The following ESRP1 variants were observed in gnomAD, a reference collection of about 807,000 sequenced individuals.
ESRP1 encodes the protein RNA-binding motif protein 35A.
A neutral mutation model predicts 81.7 loss-of-function variants in ESRP1; 33 were observed. The observed-to-expected ratio is 0.40, with a 90% CI of 0.31 to 0.54. The LOEUF is 0.54. Among genes scored for constraint, ESRP1 ranks in the 20% least tolerant of loss-of-function variants. The pLI is 0.41. For synonymous variants in ESRP1, 320 were observed against 303.3 expected (o/e 1.06, Z -0.57); for missense variants, 672 against 833.1 (o/e 0.81, Z 2.38).
At chr8:94,649,432 C>G (rs916411028) in intron 4 of ESRP1, 1 of 59,000 alleles carries the variant, frequency 1.7e-5, no homozygotes, top group Non-Finnish European at 5.7e-5. Context: ...CTCCTGAACT[C>G]AAGCAATTCT....
rs764107599 is a variant in ESRP1, at chr8:94,678,207, G to T, written c.1656G>T (p.Leu552=). Residue 552 remains leucine (L), a synonymous_variant, in exon 13 of 16, where the codon CTG becomes CTT. Coordinates refer to ENST00000433389, the MANE Select transcript of ESRP1 (RefSeq NM_017697.4). ...AATCTCTCTTTGCATATCTAGGCCT[G>T]TCTCCTCCCTCCTACACATTTCCAG... The part of the protein sequence containing the change: ...LSPPPCKLPC[L]SPPSYTFPAP... 97 of 1,613,744 alleles carry T rather than the reference G, an allele frequency of 6.0e-5. No individual in the cohort carries two copies. The highest frequency in any genetic ancestry group is 7.9e-5 in the Non-Finnish European group (93 of 1,179,840).
intron 4 of ESRP1, among the ~76,000 whole-genome samples, chr8:94,657,472 C>CGTGTGTGTGCGTGTGTGTGT (rs1818487061): frequency 1.4e-5 from 2 of 146,156 alleles, no homozygotes; most frequent in Non-Finnish European, 3.0e-5. Context: ...AGGCTGTGTG[C>CGTGTGTGTGCGTGTGTGTGT]GTGTGTGTGT....
rs758636701 is a variant in ESRP1 at position 94,678,350 on chromosome 8, A to G, written c.1799A>G (p.Asn600Ser). 8 of 1,613,898 alleles carry G rather than the reference A, an allele frequency of 5.0e-6. No homozygotes were observed. The highest frequency in any genetic ancestry group is 6.8e-6 in the Non-Finnish European group (8 of 1,179,844). ...CCAGCAGGCACTCAGCTCTTCATGA[A>G]TTACACAGCGTACTATCCCAGGTAA... ...YYPAGTQLFM[N>S]YTAYYPSPPG... The change falls in exon 13 of 16, where the codon AAT becomes AGT. Residue 600 changes from asparagine to serine, a missense_variant. Physicochemically the swap from Asn to Ser is conservative, Grantham distance 46. Coordinates refer to ENST00000433389, the MANE Select transcript of ESRP1 (RefSeq NM_017697.4).
At chr8:94,651,454 G>A (rs1818125676) in intron 4 of ESRP1, among the ~76,000 whole-genome samples, 1 of 152,042 alleles carries the variant, frequency 6.6e-6, no homozygotes, top group African/African-American at 2.4e-5. Flanking sequence ...CACAAAGTCT[G>A]AGCTGAGTAT....
At chr8:94,693,904 A>G (rs73695517) in intron 14 of ESRP1, among the ~76,000 whole-genome samples, 3,097 of 152,288 alleles carry the variant, frequency 0.02, 97 homozygotes, top group African/African-American at 0.069. Flanking sequence ...TATGAAGGAC[A>G]CTTTCTGACA....
chr8:94,644,136 G>T (rs918556749), intron 3 of ESRP1, among the ~76,000 whole-genome samples: 5 of 152,172 alleles, frequency 3.3e-5, no homozygotes, highest in African/African-American at 1.2e-4. Context: ...GGTAAAATGT[G>T]ATTTCTCTCC....
chr8:94,683,237 C>T lies in ESRP1; in HGVS notation c.1820+4866C>T, dbSNP rs995637510. Among the ~76,000 whole-genome samples the T allele has an allele frequency of 3.4e-4, 51 of 151,992 alleles. 1 individual carries two copies. The highest frequency in any genetic ancestry group is 1.6e-4 in the Non-Finnish European group (11 of 68,012). ...GGGATTACAGGCGTAAGCCACCGCGCCCGGCCTATGAATATGTATATTTAG... is the reference window on the plus strand; with the variant it reads ...GGGATTACAGGCGTAAGCCACCGCGTCCGGCCTATGAATATGTATATTTAG... On this transcript the variant is annotated intron_variant, in intron 13 of 15. Coordinates refer to ENST00000433389, the MANE Select transcript of ESRP1 (RefSeq NM_017697.4).
At chr8:94,671,323 C>A in intron 10 of ESRP1, 130 bp from the exon 11 acceptor site, 1 of 639,484 alleles carries the variant, frequency 1.6e-6, no homozygotes, top group Admixed American at 3.4e-5. Context: ...GATGAAGATT[C>A]ATATTTATTA....
At chr8:94,676,582 C>T (rs961435708) in intron 12 of ESRP1, among the ~76,000 whole-genome samples, 3 of 151,814 alleles carry the variant, frequency 2.0e-5, no homozygotes, top group Admixed American at 6.6e-5. Context: ...TCGCTGCAAC[C>T]TCTGACTCCC....
At chr8:94,654,263 A>C (rs1177881832) in intron 4 of ESRP1, among the ~76,000 whole-genome samples, 1 of 152,198 alleles carries the variant, frequency 6.6e-6, no homozygotes, top group Non-Finnish European at 1.5e-5. Context: ...GGTTGCGGTG[A>C]GTCAAGATCG....
intron 13 of ESRP1, among the ~76,000 whole-genome samples, chr8:94,689,501 G>A (rs1809288284): frequency 6.6e-6 from 1 of 151,582 alleles, no homozygotes; most frequent in Admixed American, 6.6e-5. Context: ...TTGCTGAACT[G>A]GCTTATTAGA....
chr8:94,674,533 A>T, intron 12 of ESRP1, 27 bp downstream of exon 12: 2 of 1,598,084 alleles, frequency 1.3e-6, no homozygotes, highest in African/African-American at 2.7e-5. Flanking sequence ...TCTTGGCGCT[A>T]TTCTACGCTA....
At chr8:94,701,274 C>CAAA (rs1165195392) in intron 15 of ESRP1, among the ~76,000 whole-genome samples, 2 of 94,428 alleles carry the variant, frequency 2.1e-5, no homozygotes, top group South Asian at 6.4e-4. Flanking sequence ...GACTCCATCT[C>CAAA]AAAAAAAAAA....
chr8:94,663,548 A>G (rs965157064), intron 6 of ESRP1, among the ~76,000 whole-genome samples: 3 of 152,106 alleles, frequency 2.0e-5, no homozygotes, highest in East Asian at 3.9e-4. Context: ...GCCTGGCTAT[A>G]TAGGTTTCTA....
At chr8:94,666,700 G>T (rs950647118) in intron 9 of ESRP1, among the ~76,000 whole-genome samples, 13 of 152,090 alleles carry the variant, frequency 8.5e-5, no homozygotes, top group African/African-American at 3.1e-4. Context: ...AAACTCTAAG[G>T]CTTCAAAATT....
At chr8:94,704,175 C>CTTTTTTTTT (rs34541416) in intron 15 of ESRP1, among the ~76,000 whole-genome samples, 6 of 129,010 alleles carry the variant, frequency 4.7e-5, no homozygotes, top group Admixed American at 1.6e-4. Context: ...GCTTCTGAGA[C>CTTTTTTTTT]TTTTTTTTTT....
intron 4 of ESRP1, among the ~76,000 whole-genome samples, chr8:94,655,460 T>C (rs1055132370): frequency 3.3e-5 from 5 of 152,000 alleles, no homozygotes; most frequent in African/African-American, 9.7e-5. Context: ...TAGATGTTTT[T>C]CCCCCGCATT....
At chr8:94,671,406 G>T in intron 10 of ESRP1, 47 bp from the exon 11 acceptor site, 1 of 1,517,358 alleles carries the variant, frequency 6.6e-7, no homozygotes, top group Non-Finnish European at 9.0e-7. Context: ...GCAGAAAGCA[G>T]GGGAGTAGCA....
chr8:94,696,912 T>A lies in ESRP1; in HGVS notation c.2032T>A (p.Trp678Arg), dbSNP rs1240847954. Residue 678 changes from tryptophan (W) to arginine (R), a missense_variant, in exon 15 of 16, where the codon TGG (tryptophan) becomes AGG (arginine). Physicochemically the swap from Trp to Arg is moderately radical, Grantham distance 101 (BLOSUM62 -3). Transcript: ENST00000433389. ...NDQARTLPKE[W>R]VCI is the part of the protein sequence containing the mutation. ...CCAGGCCAGGACTCTACCCAAAGAA[T>A]GGGTTTGTATTTAAGGGCCCCAGCA... The A allele has an allele frequency of 1.3e-6, 2 of 1,590,704 alleles. No individual in the cohort carries two copies. The highest frequency in any genetic ancestry group is 2.3e-5 in the South Asian group (2 of 86,986).
Sources: allele counts gnomAD v4.1 joint callset (sites outside exome capture counted in the v4.1 genomes callset), GRCh38; gene constraint gnomAD v4.1.1; transcripts MANE v1.5; gene names NCBI Gene and HGNC (gene_info 2026-07-23, HGNC 2026-07-21).